Variants in BICC1 observed in about 807,000 individuals in gnomAD.
BICC1 encodes the protein protein bicaudal C homolog 1.
In BICC1, 43 loss-of-function variants were observed where a neutral mutation model predicts 111.0. The ratio of observed to expected loss-of-function variants is 0.39; its 90% CI spans 0.30 to 0.50. The LOEUF (loss-of-function observed/expected upper bound fraction) is 0.50. BICC1 is among the 20% of genes least tolerant of loss of function. The pLI, the probability that BICC1 is intolerant of heterozygous loss-of-function variation, is 0.88. For synonymous variants in BICC1, 467 were observed against 434.4 expected, an observed-to-expected ratio of 1.07 and a Z score of -0.93; for missense variants, 1,091 against 1,203.2, an observed-to-expected ratio of 0.91 and a Z score of 1.38.
At chr10:58,569,741 A>C (rs1843886845) in intron 1 of BICC1, among the ~76,000 whole-genome samples, 1 of 152,168 alleles carries the variant, frequency 6.6e-6, no homozygotes, top group South Asian at 2.1e-4. Flanking sequence ...ATATGGCTGC[A>C]TAGTATTCCA....
chr10:58,788,472 C>A, intron 6 of BICC1, 49 bp downstream of exon 6: 1 of 1,216,254 alleles, frequency 8.2e-7, no homozygotes, highest in Non-Finnish European at 1.2e-6. Context: ...GCAACATTTG[C>A]ATTATAAGGC....
At position 58,609,022 on chromosome 10, in the gene BICC1, G is replaced by C. The variant is rs146599176; in HGVS notation, c.191-11833G>C. Among the ~76,000 whole-genome samples, 120 of 152,218 alleles carry C rather than the reference G, an allele frequency of 7.9e-4. 1 individual carries two copies. The highest frequency in any genetic ancestry group is 2.7e-3 in the African/African-American group (112 of 41,532). ...ATAACCTGAACTTTAAACATGCCTG[G>C]AACACATTTGGTTCTGATTTAAAAC... On this transcript the variant is annotated intron_variant, in intron 1 of 20. Transcript: ENST00000373886.
At chr10:58,577,059 A>G (rs1015318470) in intron 1 of BICC1, among the ~76,000 whole-genome samples, 1 of 152,180 alleles carries the variant, frequency 6.6e-6, no homozygotes, top group African/African-American at 2.4e-5. Flanking sequence ...AGAGACAGAG[A>G]AAGCAACTTT....
chr10:58,573,373 G>A (rs1844018772), intron 1 of BICC1, among the ~76,000 whole-genome samples: 1 of 152,134 alleles, frequency 6.6e-6, no homozygotes, highest in Admixed American at 6.6e-5. Context: ...CAGAATTCCT[G>A]AAGCTTTTGA....
chr10:58,558,505 G>T (rs896293103), intron 1 of BICC1, among the ~76,000 whole-genome samples: 2 of 152,034 alleles, frequency 1.3e-5, no homozygotes, highest in African/African-American at 2.4e-5. Flanking sequence ...GGCATGCTTT[G>T]TTGCTTGTTC....
chr10:58,545,132 A>G (rs1269191311), intron 1 of BICC1, among the ~76,000 whole-genome samples: 2 of 152,128 alleles, frequency 1.3e-5, no homozygotes, highest in Non-Finnish European at 2.9e-5. Context: ...AGTTGGTGGT[A>G]CTTCATTACA....
intron 3 of BICC1, among the ~76,000 whole-genome samples, chr10:58,708,382 C>T (rs977983175): frequency 4.0e-5 from 6 of 151,412 alleles, no homozygotes; most frequent in East Asian, 1.9e-4. Context: ...CCAAGTGAAG[C>T]GGCATCATTG....
At chr10:58,729,471 TG>T (rs1412566997) in intron 3 of BICC1, among the ~76,000 whole-genome samples, 1 of 152,234 alleles carries the variant, frequency 6.6e-6, no homozygotes, top group African/African-American at 2.4e-5. Flanking sequence ...GGCTTTGTTG[TG>T]GCTTCTTACA....
At chr10:58,763,596 G>A (rs1842378868) in intron 3 of BICC1, among the ~76,000 whole-genome samples, 1 of 152,162 alleles carries the variant, frequency 6.6e-6, no homozygotes, top group African/African-American at 2.4e-5. Context: ...GTACAGACTA[G>A]TGTTTATATT....
intron 1 of BICC1, among the ~76,000 whole-genome samples, chr10:58,555,354 G>A (rs986761151): frequency 7.3e-6 from 1 of 136,084 alleles, no homozygotes; most frequent in Non-Finnish European, 1.5e-5. Flanking sequence ...ACCCTAGGAC[G>A]TAAGCAGCAA....
chr10:58,601,124 G>T (rs1438430627), intron 1 of BICC1, among the ~76,000 whole-genome samples: 1 of 69,022 alleles, frequency 1.4e-5, no homozygotes. Context: ...TACTTTTTAG[G>T]CAGTCATTTT....
chr10:58,810,713 G>C (rs1318805204), intron 17 of BICC1, among the ~76,000 whole-genome samples: 1 of 152,186 alleles, frequency 6.6e-6, no homozygotes, highest in African/African-American at 2.4e-5. Flanking sequence ...GGGAAAAGTA[G>C]AGAGGGAGAT....
chr10:58,683,513 G>A (rs1038897504), intron 2 of BICC1, among the ~76,000 whole-genome samples: 6 of 152,150 alleles, frequency 3.9e-5, no homozygotes, highest in African/African-American at 1.4e-4. Flanking sequence ...CTATCCATGA[G>A]CATGGAATGT....
intron 2 of BICC1, among the ~76,000 whole-genome samples, chr10:58,681,082 C>T (rs1839505550): frequency 6.6e-6 from 1 of 152,158 alleles, no homozygotes; most frequent in African/African-American, 2.4e-5. Flanking sequence ...AGAAGAAAAC[C>T]TAGGCAATAC....
intron 2 of BICC1, among the ~76,000 whole-genome samples, chr10:58,637,666 G>A (rs931172712): frequency 6.6e-6 from 1 of 152,202 alleles, no homozygotes; most frequent in Non-Finnish European, 1.5e-5. Context: ...TGAATAGTGG[G>A]AGCCTTTCAT....
chr10:58,619,781 G>T (rs1292089567), intron 1 of BICC1, among the ~76,000 whole-genome samples: 2 of 152,150 alleles, frequency 1.3e-5, no homozygotes, highest in Non-Finnish European at 2.9e-5. Flanking sequence ...GTAGATGCTT[G>T]TCAAAACTTG....
intron 1 of BICC1, among the ~76,000 whole-genome samples, chr10:58,555,734 GT>G (rs1843432518): frequency 1.3e-5 from 2 of 152,144 alleles, no homozygotes; most frequent in African/African-American, 4.8e-5. Flanking sequence ...GTGAAACAGG[GT>G]TTTAATGATT....
At chr10:58,635,626 C>T (rs1310282860) in intron 2 of BICC1, among the ~76,000 whole-genome samples, 1 of 152,196 alleles carries the variant, frequency 6.6e-6, no homozygotes, top group African/African-American at 2.4e-5. Context: ...TGACAACTCA[C>T]CATTGCCTTC....
At chr10:58,753,150 C>T (rs923885454) in intron 3 of BICC1, among the ~76,000 whole-genome samples, 6 of 151,978 alleles carry the variant, frequency 3.9e-5, no homozygotes, top group South Asian at 2.1e-4. Context: ...TTTGATTTTA[C>T]GTTGTTGTTG....
Sources: gnomAD v4.1 joint callset for allele counts (sites outside exome capture counted in the v4.1 genomes callset) on GRCh38, gnomAD v4.1.1 for gene constraint, MANE v1.5 for transcripts, NCBI Gene and HGNC (gene_info 2026-07-23, HGNC 2026-07-21) for gene names.